Variants in CPE observed in about 807,000 individuals in gnomAD.
CPE encodes the protein carbocypeptidase E.
Under a neutral mutation model 53.5 loss-of-function variants are expected in CPE, and 17 were observed. That is an observed-to-expected ratio of 0.32 (90% confidence interval 0.22 to 0.48). The LOEUF is 0.48. CPE is among the 20% of genes least tolerant of loss of function. CPE has a pLI of 0.99. For synonymous variants in CPE, 226 were observed against 228.8 expected, an observed-to-expected ratio of 0.99 and a Z score of 0.11; for missense variants, 524 against 614.7, an observed-to-expected ratio of 0.85 and a Z score of 1.56.
intron 1 of CPE, among the ~76,000 whole-genome samples, chr4:165,428,489 G>C (rs1179535399): frequency 1.3e-5 from 2 of 152,170 alleles, no homozygotes; most frequent in Non-Finnish European, 2.9e-5. Flanking sequence ...AAGACAACTT[G>C]GTCTCCCATA....
At chr4:165,482,387 G>T in intron 4 of CPE, 28 bp downstream of exon 4, 1 of 1,484,430 alleles carries the variant, frequency 6.7e-7, no homozygotes, top group Non-Finnish European at 9.4e-7. Flanking sequence ...TTCTCTTATT[G>T]GTTCAAAGTT....
At chr4:165,423,267 G>C (rs185687214) in intron 1 of CPE, among the ~76,000 whole-genome samples, 53 of 152,238 alleles carry the variant, frequency 3.5e-4, no homozygotes, top group African/African-American at 1.2e-3. Context: ...ATGGGAGGCA[G>C]GTTTGCCCTA....
intron 1 of CPE, among the ~76,000 whole-genome samples, chr4:165,414,025 A>G (rs1468902102): frequency 6.6e-6 from 1 of 152,234 alleles, no homozygotes; most frequent in Non-Finnish European, 1.5e-5. Context: ...GCTCGCTTAT[A>G]GCACACTGGG....
intron 4 of CPE, among the ~76,000 whole-genome samples, chr4:165,483,587 A>G (rs1732456474): frequency 6.6e-6 from 1 of 152,234 alleles, no homozygotes. Context: ...TAGAAGTTAT[A>G]TTAATTTACA....
chr4:165,399,616 C>T (rs946004210), intron 1 of CPE, among the ~76,000 whole-genome samples: 3 of 152,210 alleles, frequency 2.0e-5, no homozygotes, highest in Non-Finnish European at 4.4e-5. Flanking sequence ...AGGTGATCCA[C>T]ATGCCTTGGC....
At chr4:165,447,580 A>AAAAAAG (rs1731738641) in intron 1 of CPE, among the ~76,000 whole-genome samples, 1 of 151,704 alleles carries the variant, frequency 6.6e-6, no homozygotes, top group African/African-American at 2.4e-5. Context: ...TTAAAAAAAA[A>AAAAAAG]AAAAGAAAAG....
At chr4:165,417,987 T>C (rs1731153539) in intron 1 of CPE, among the ~76,000 whole-genome samples, 1 of 152,198 alleles carries the variant, frequency 6.6e-6, no homozygotes. Flanking sequence ...CAAGATCAAA[T>C]TCATGTCGTA....
intron 1 of CPE, among the ~76,000 whole-genome samples, chr4:165,460,392 G>A (rs1731979059): frequency 6.6e-6 from 1 of 152,164 alleles, no homozygotes; most frequent in Non-Finnish European, 1.5e-5. Context: ...CTGCTTGCCT[G>A]GAGAGGTTTT....
chr4:165,404,903 G>A (rs1730928073), intron 1 of CPE: 8 of 761,438 alleles, frequency 1.1e-5, no homozygotes, highest in South Asian at 9.4e-5. Context: ...GCTGACAGCA[G>A]CGATTTCACT....
chr4:165,426,580 A>G (rs1731320219), intron 1 of CPE, among the ~76,000 whole-genome samples: 1 of 152,100 alleles, frequency 6.6e-6, no homozygotes, highest in South Asian at 2.1e-4. Flanking sequence ...TATTTTATGT[A>G]ATGTAAAATT....
intron 2 of CPE, among the ~76,000 whole-genome samples, chr4:165,465,720 C>T (rs1480103911): frequency 6.6e-6 from 1 of 151,808 alleles, no homozygotes; most frequent in African/African-American, 2.4e-5. Context: ...ATCATAAAGC[C>T]CTAGAACTTT....
In CPE at chr4:165,379,066, CG is replaced by C; in HGVS notation, c.-153del. 1.6e-6 allele frequency: 1 copy of C among 641,852 alleles called. No individual in the cohort carries two copies. The highest frequency in any genetic ancestry group is 2.2e-6 in the Non-Finnish European group (1 of 462,228). The allele number at this position is 641,852 out of a possible 1,614,324, so 39.8% of individuals were successfully genotyped here. A position where few individuals can be genotyped will look rare whatever the true frequency, so the allele number is the denominator to read the frequency against. The stretch of plus-strand genomic sequence containing the variant: ...GTCTCCTCTGGGTGGCCCCAGTGCG[CG>C]GGCTGACACTCATTCAGCCGGGGAA... On this transcript the variant is annotated 5_prime_UTR_variant, in exon 1 of 9. Transcript: ENST00000402744. This position sits in a 1 kb window ranked among gnomAD's most constrained non-coding sequence, Gnocchi z 6.0.
chr4:165,434,530 A>T (rs1290077582), intron 1 of CPE, among the ~76,000 whole-genome samples: 1 of 152,156 alleles, frequency 6.6e-6, no homozygotes, highest in Admixed American at 6.6e-5. Flanking sequence ...CCTTAATGTA[A>T]TACTAAATAT....
chr4:165,483,810 G>T (rs181782213), intron 4 of CPE, among the ~76,000 whole-genome samples: 2 of 152,234 alleles, frequency 1.3e-5, no homozygotes, highest in East Asian at 3.9e-4. Flanking sequence ...TTTTTAATGG[G>T]GTTGTTGGGA....
chr4:165,447,001 C>T (rs1731728016), intron 1 of CPE, among the ~76,000 whole-genome samples: 1 of 152,304 alleles, frequency 6.6e-6, no homozygotes, highest in East Asian at 1.9e-4. Flanking sequence ...GCCTATTGCT[C>T]CTAGGCTACA....
intron 1 of CPE, among the ~76,000 whole-genome samples, chr4:165,427,677 G>A (rs543953470): frequency 1.3e-5 from 2 of 152,206 alleles, no homozygotes; most frequent in East Asian, 3.9e-4. Flanking sequence ...GTCTATGATG[G>A]TTTATCCCCC....
chr4:165,395,849 G>A (rs1196551372), intron 1 of CPE, among the ~76,000 whole-genome samples: 3 of 152,162 alleles, frequency 2.0e-5, no homozygotes, highest in Non-Finnish European at 4.4e-5. Context: ...CAAAACACTT[G>A]TCATGAAAGG....
At chr4:165,445,745 AT>A (rs1455156844) in intron 1 of CPE, among the ~76,000 whole-genome samples, 1 of 152,172 alleles carries the variant, frequency 6.6e-6, no homozygotes, top group African/African-American at 2.4e-5. Context: ...CCAGAATTTT[AT>A]TTTTTTAAGC....
chr4:165,496,612 G>T (rs1038023782), intron 8 of CPE, among the ~76,000 whole-genome samples: 5 of 152,168 alleles, frequency 3.3e-5, no homozygotes, highest in Admixed American at 6.5e-5. Flanking sequence ...GTTCCATCTG[G>T]GATGGGGCCT....
Sources: gnomAD v4.1 joint callset for allele counts (sites outside exome capture counted in the v4.1 genomes callset) on GRCh38, gnomAD v4.1.1 for gene constraint, Gnocchi (gnomAD v3.1) non-coding constraint, MANE v1.5 for transcripts, NCBI Gene and HGNC (gene_info 2026-07-23, HGNC 2026-07-21) for gene names.